The following IQCK variants were observed in gnomAD, a reference collection of about 807,000 sequenced individuals.
IQCK encodes the protein IQ domain-containing protein K.
IQCK carries 29 observed loss-of-function variants against 28.1 expected under a neutral mutation model. That is an observed-to-expected ratio of 1.03 (90% confidence interval 0.77 to 1.41). The LOEUF is 1.41. Among genes scored for constraint, IQCK ranks in the 40% most tolerant of loss-of-function variants. The pLI is 0.00. For synonymous variants in IQCK, 113 were observed against 115.1 expected, an observed-to-expected ratio of 0.98 and a Z score of 0.12; for missense variants, 359 against 314.7, an observed-to-expected ratio of 1.14 and a Z score of -1.07.
chr16:19,732,868 G>A (rs766076658), intron 2 of IQCK, among the ~76,000 whole-genome samples: 24 of 152,252 alleles, frequency 1.6e-4, no homozygotes, highest in Non-Finnish European at 2.4e-4. Flanking sequence ...TGGAGAGGAG[G>A]GGGAGCTGGA....
intron 3 of IQCK, among the ~76,000 whole-genome samples, chr16:19,735,138 C>CT (rs1348625112): frequency 6.6e-6 from 1 of 152,200 alleles, no homozygotes; most frequent in Non-Finnish European, 1.5e-5. Context: ...ATGTAGGATA[C>CT]TTCCTACATC....
chr16:19,741,341 G>A lies in IQCK; in HGVS notation c.474+5891G>A, dbSNP rs555255262. On this transcript the variant is annotated intron_variant, in intron 4 of 7. Coordinates refer to ENST00000564186, the Ensembl canonical transcript of IQCK. ...TATTCTTCTAATTTATACCCTTTCA[G>A]AGGGCACAAAAATCAGCTAAAAGGG... Among the ~76,000 whole-genome samples, 7 of 152,166 alleles carry A rather than the reference G, an allele frequency of 4.6e-5. No individual in the cohort carries two copies. The East Asian group carries it at 7.7e-4, about 17-fold the overall frequency.
rs1597487100 is a variant in IQCK at position 19,718,597 on chromosome 16, C to T, written c.181+110C>T. 4.8e-6 allele frequency: 5 copies of T among 1,033,374 alleles called. No individual in the cohort carries two copies. The Admixed American group carries it at 2.1e-4, about 43-fold the overall frequency. 64.0% of individuals were successfully genotyped at this position (1,033,374 alleles called of 1,614,324 possible). Reference sequence around the variant, plus strand: ...TCGGCTGACGGGCGGGGCCGCCGGGCAGCGGCTCCGCGGGCCCGGGCTCCG... The same window carrying T: ...TCGGCTGACGGGCGGGGCCGCCGGGTAGCGGCTCCGCGGGCCCGGGCTCCG... On this transcript the variant is annotated intron_variant, in intron 1 of 7. Coordinates refer to ENST00000564186, the Ensembl canonical transcript of IQCK.
chr16:19,739,524 G>A (rs1597507484), intron 4 of IQCK, among the ~76,000 whole-genome samples: 1 of 152,202 alleles, frequency 6.6e-6, no homozygotes, highest in South Asian at 2.1e-4. Context: ...TATATCAAAA[G>A]TCAGAGAAGA....
chr16:19,759,123 G>C (rs1267895652), intron 4 of IQCK, among the ~76,000 whole-genome samples: 1 of 152,108 alleles, frequency 6.6e-6, no homozygotes, highest in African/African-American at 2.4e-5. Context: ...TTTGATGCTT[G>C]AGAGTTGAAT....
intron 9 of IQCK, among the ~76,000 whole-genome samples, chr16:19,832,224 ATG>A: frequency 6.6e-6 from 1 of 151,990 alleles, no homozygotes. Flanking sequence ...TACATTACCT[ATG>A]TGTGTGTATA....
intron 1 of IQCK, among the ~76,000 whole-genome samples, chr16:19,723,029 C>T (rs1977544371): frequency 6.6e-6 from 1 of 152,126 alleles, no homozygotes; most frequent in Non-Finnish European, 1.5e-5. Context: ...CTTTCACTTT[C>T]CACGGCCCCA....
chr16:19,835,298 G>A (rs141334098), intron 9 of IQCK, among the ~76,000 whole-genome samples: 2,403 of 151,994 alleles, frequency 0.016, 28 homozygotes, highest in Non-Finnish European at 0.024. Context: ...AATAAAAAAC[G>A]TAAATATATA....
chr16:19,854,659 C>A (rs993707577), intron 9 of IQCK, among the ~76,000 whole-genome samples: 1 of 152,228 alleles, frequency 6.6e-6, no homozygotes, highest in Non-Finnish European at 1.5e-5. Context: ...CAGCCCCGCT[C>A]CATCTGACTG....
intron 3 of IQCK, among the ~76,000 whole-genome samples, chr16:19,734,664 T>C (rs113591561): frequency 0.052 from 7,764 of 148,618 alleles, 654 homozygotes; most frequent in African/African-American, 0.18. Flanking sequence ...ACTTGCAGTC[T>C]CAGCTATTTG....
Position 19,718,355 on chromosome 16 carries a change from A to C in IQCK, c.49A>C (p.Ser17Arg). Residue 17 changes from serine (S) to arginine (R), a missense_variant, in exon 1 of 8, where the codon AGC (serine) becomes CGC (arginine). Coordinates refer to ENST00000564186, the Ensembl canonical transcript of IQCK. ...CAGCCACATAGTGCGCCTCAAGCCC[A>C]GCTGCTCTACAGACTCGTCGTTCAC... The C allele has an allele frequency of 1.2e-6, 2 of 1,610,376 alleles. No individual in the cohort carries two copies. Among genetic ancestry groups the C allele is most frequent in the East Asian group, 2.2e-5 (1 of 44,726 alleles).
intron 6 of IQCK, among the ~76,000 whole-genome samples, chr16:19,779,118 G>T (rs1017661836): frequency 2.0e-5 from 3 of 152,170 alleles, no homozygotes; most frequent in Non-Finnish European, 4.4e-5. Flanking sequence ...AAAGTGCTGG[G>T]ATTACAGACG....
At chr16:19,857,516 A>G in exon 10 of IQCK, 1 of 411,434 alleles carries the variant, frequency 2.4e-6, no homozygotes, top group South Asian at 1.8e-5. Context: ...AATGCATTTA[A>G]TAAATATATA....
chr16:19,764,856 AT>A (rs750870961), intron 6 of IQCK, among the ~76,000 whole-genome samples: 1,560 of 133,608 alleles, frequency 0.012, 14 homozygotes, highest in African/African-American at 0.035. Context: ...CACCTGGCTA[AT>A]TTTTTTTTTT....
chr16:19,798,423 T>A (rs4782285), intron 7 of IQCK, among the ~76,000 whole-genome samples: 13,526 of 113,744 alleles, frequency 0.12, 1,365 homozygotes, highest in African/African-American at 0.15. Context: ...TCACAAAAAA[T>A]ATATATATAT....
chr16:19,834,806 G>A (rs1012016301), intron 9 of IQCK, among the ~76,000 whole-genome samples: 1 of 152,202 alleles, frequency 6.6e-6, no homozygotes, highest in East Asian at 1.9e-4. Flanking sequence ...TGGGTACCAG[G>A]AACACTCTAG....
chr16:19,728,104 TCTC>T (rs112261699), intron 1 of IQCK, among the ~76,000 whole-genome samples: 8,242 of 151,688 alleles, frequency 0.054, 684 homozygotes, highest in African/African-American at 0.18. Context: ...CAGAAGAGAT[TCTC>T]CTGCTGCCCT....
chr16:19,736,122 C>T, intron 4 of IQCK: 1 of 455,874 alleles, frequency 2.2e-6, no homozygotes, highest in Non-Finnish European at 4.4e-6. Context: ...ATTGATTGTT[C>T]CCCCTGGCAT....
Position 19,838,503 on chromosome 16 carries a change from A to AT in IQCK, c.802+11367dup, listed in dbSNP as rs533963327. ...TCACACCCAGAATGACTCTTTCTGA[A>AT]TGCAAGTTGGAGCTAACCGGGAGGG... On this transcript the variant is annotated intron_variant, in intron 9 of 9. Coordinates refer to the IQCK transcript ENST00000320394. 4.0e-4 allele frequency among the ~76,000 whole-genome samples: 61 copies of AT among 152,160 alleles called. 1 individual carries two copies. In the South Asian group the frequency reaches 0.012, roughly 31 times the overall value.
Sources: allele counts gnomAD v4.1 joint callset (sites outside exome capture counted in the v4.1 genomes callset), GRCh38; gene constraint gnomAD v4.1.1; transcripts MANE v1.5; gene names NCBI Gene and HGNC (gene_info 2026-07-23, HGNC 2026-07-21).